The following RPS6KC1 variants were observed in gnomAD, a reference collection of about 807,000 sequenced individuals.
The protein encoded by RPS6KC1 is ribosomal protein S6 kinase C1.
Under a neutral mutation model 103.8 loss-of-function variants are expected in RPS6KC1, and 54 were observed. The ratio of observed to expected loss-of-function variants is 0.52; its 90% CI spans 0.42 to 0.65. RPS6KC1 has a LOEUF of 0.65. RPS6KC1 is among the 30% of genes least tolerant of loss of function. The pLI, the probability that RPS6KC1 is intolerant of heterozygous loss-of-function variation, is 0.00. For missense variants in RPS6KC1, 1,151 were observed against 1,253.8 expected (o/e 0.92, Z 1.24); for synonymous variants, 439 against 438.7 (o/e 1.00, Z -0.01).
At chr1:213,135,255 C>T (rs2086145780) in intron 6 of RPS6KC1, among the ~76,000 whole-genome samples, 1 of 152,002 alleles carries the variant, frequency 6.6e-6, no homozygotes, top group Non-Finnish European at 1.5e-5. Context: ...TCTGGAATTC[C>T]TAGGATAAAT....
At chr1:213,420,895 C>T in the RPS6KC1 span, among the ~76,000 whole-genome samples, 4 of 152,160 alleles carry the variant, frequency 2.6e-5, no homozygotes, top group Admixed American at 6.5e-5. Flanking sequence ...TCTGGTGCTT[C>T]CTTGGCTTTA....
the RPS6KC1 span, among the ~76,000 whole-genome samples, chr1:213,686,097 T>G: frequency 6.6e-6 from 1 of 152,156 alleles, no homozygotes; most frequent in African/African-American, 2.4e-5. Flanking sequence ...AGGCCATAAT[T>G]GCTCACTCCA....
chr1:213,237,657 C>T (rs767211455), intron 10 of RPS6KC1, among the ~76,000 whole-genome samples: 7 of 151,660 alleles, frequency 4.6e-5, no homozygotes, highest in Admixed American at 4.6e-4. Flanking sequence ...CTAATTCTGA[C>T]CAAGCAAATT....
chr1:213,294,962 GA>G, the RPS6KC1 span, among the ~76,000 whole-genome samples: 1 of 152,146 alleles, frequency 6.6e-6, no homozygotes, highest in African/African-American at 2.4e-5. Context: ...AGAAGGAGAA[GA>G]AAGAGACAAT....
chr1:213,200,962 C>T (rs371741045), intron 8 of RPS6KC1, among the ~76,000 whole-genome samples: 7 of 152,168 alleles, frequency 4.6e-5, no homozygotes, highest in African/African-American at 1.4e-4. Context: ...GACACTGGGG[C>T]CTGTCAGAGG....
chr1:213,490,575 TA>T, the RPS6KC1 span, among the ~76,000 whole-genome samples: 6 of 152,240 alleles, frequency 3.9e-5, no homozygotes, highest in Admixed American at 6.5e-5. Context: ...TGGCCCCTTC[TA>T]AAAAGGCCTG....
the RPS6KC1 span, among the ~76,000 whole-genome samples, chr1:213,425,423 G>T: frequency 2.0e-5 from 3 of 152,156 alleles, no homozygotes; most frequent in Non-Finnish European, 4.4e-5. Context: ...AAAAAAAAGA[G>T]AGATACAATA....
chr1:213,764,515 A>C, the RPS6KC1 span, among the ~76,000 whole-genome samples: 2 of 152,184 alleles, frequency 1.3e-5, no homozygotes, highest in African/African-American at 4.8e-5. Context: ...AAAGAGACTC[A>C]AATGACCTCC....
At chr1:213,610,700 C>A in the RPS6KC1 span, among the ~76,000 whole-genome samples, 1 of 152,184 alleles carries the variant, frequency 6.6e-6, no homozygotes, top group Non-Finnish European at 1.5e-5. Flanking sequence ...AAGGGGCTTC[C>A]CTCATCCTGG....
At chr1:213,384,428 C>T in the RPS6KC1 span, among the ~76,000 whole-genome samples, 4 of 151,952 alleles carry the variant, frequency 2.6e-5, no homozygotes, top group Non-Finnish European at 4.4e-5. Context: ...ACTGAGGAGC[C>T]TCCAGGTCTG....
At chr1:213,246,601 A>T (rs2094457967) in intron 12 of RPS6KC1, among the ~76,000 whole-genome samples, 1 of 152,196 alleles carries the variant, frequency 6.6e-6, no homozygotes, top group Admixed American at 6.5e-5. Flanking sequence ...CATTTGATTT[A>T]TTAACTTATG....
At chr1:213,486,050 A>G in the RPS6KC1 span, among the ~76,000 whole-genome samples, 2 of 152,164 alleles carry the variant, frequency 1.3e-5, no homozygotes, top group Admixed American at 6.5e-5. Context: ...CATCAGCTTG[A>G]TAGTCTAAAC....
the RPS6KC1 span, among the ~76,000 whole-genome samples, chr1:213,800,518 G>A: frequency 1.1e-5 from 1 of 91,764 alleles, no homozygotes; most frequent in Admixed American, 1.2e-4. Flanking sequence ...ATGGTTGCTG[G>A]GAATGGGGAT....
chr1:213,189,305 C>G (rs1400912646), intron 8 of RPS6KC1, among the ~76,000 whole-genome samples: 1 of 151,868 alleles, frequency 6.6e-6, no homozygotes, highest in Non-Finnish European at 1.5e-5. Flanking sequence ...AAAAATTAGC[C>G]AGGCGTGATG....
the RPS6KC1 span, among the ~76,000 whole-genome samples, chr1:213,318,667 C>G: frequency 1.3e-5 from 2 of 152,148 alleles, no homozygotes; most frequent in Non-Finnish European, 2.9e-5. Flanking sequence ...CAAGTCATGT[C>G]TTACATGGAT....
chr1:213,480,598 C>T, the RPS6KC1 span, among the ~76,000 whole-genome samples: 1 of 151,968 alleles, frequency 6.6e-6, no homozygotes, highest in Non-Finnish European at 1.5e-5. Flanking sequence ...AAAGGAAGGA[C>T]TAAAAGGAAA....
chr1:213,846,128 TAAAA>T, the RPS6KC1 span, among the ~76,000 whole-genome samples: 3 of 82,842 alleles, frequency 3.6e-5, no homozygotes, highest in East Asian at 3.6e-4. Context: ...CCGTCTCAAC[TAAAA>T]AAAAAAAAAA....
At chr1:213,213,412 G>T (rs1426077952) in intron 8 of RPS6KC1, among the ~76,000 whole-genome samples, 1 of 152,046 alleles carries the variant, frequency 6.6e-6, no homozygotes, top group African/African-American at 2.4e-5. Flanking sequence ...TGCATTGATT[G>T]GTTTGTCTAT....
the RPS6KC1 span, among the ~76,000 whole-genome samples, chr1:213,511,086 A>T: frequency 6.6e-6 from 1 of 152,224 alleles, no homozygotes; most frequent in Non-Finnish European, 1.5e-5. Context: ...TCAAAGGAAT[A>T]ATTTAGAAAA....
Sources: allele counts gnomAD v4.1 joint callset (sites outside exome capture counted in the v4.1 genomes callset), GRCh38; gene constraint gnomAD v4.1.1; transcripts MANE v1.5; gene names NCBI Gene and HGNC (gene_info 2026-07-23, HGNC 2026-07-21).